Variants in C5orf22 observed in about 807,000 individuals in gnomAD.
C5orf22 encodes the protein chromosome 5 open reading frame 22, also known as UPF0489 protein C5orf22.
C5orf22 carries 36 observed loss-of-function variants against 48.7 expected under a neutral mutation model. The observed-to-expected ratio is 0.74, with a 90% CI of 0.57 to 0.98. The LOEUF (loss-of-function observed/expected upper bound fraction) is 0.98. Among genes scored for constraint, C5orf22 ranks in the 50% least tolerant of loss-of-function variants. The pLI, the probability that C5orf22 is intolerant of heterozygous loss-of-function variation, is 0.00. For synonymous variants in C5orf22, 141 were observed against 180.8 expected (o/e 0.78, Z 1.76); for missense variants, 486 against 521.9 (o/e 0.93, Z 0.67).
At chr5:31,551,529 C>T (rs1210930660) in intron 8 of C5orf22, 97 bp downstream of exon 8, 19 of 950,754 alleles carry the variant, frequency 2.0e-5, no homozygotes, top group South Asian at 1.2e-4. Context: ...AAAGGAAATT[C>T]GCAGTGTGAT....
intron 7 of C5orf22, among the ~76,000 whole-genome samples, chr5:31,546,177 C>T (rs1263520292): frequency 1.3e-5 from 2 of 152,154 alleles, no homozygotes; most frequent in Non-Finnish European, 2.9e-5. Context: ...AGCTGTTTGT[C>T]AACAGGTATC....
At chr5:31,532,548 C>A in intron 1 of C5orf22, 75 bp downstream of exon 1, 1 of 1,282,810 alleles carries the variant, frequency 7.8e-7, no homozygotes, top group Non-Finnish European at 1.1e-6. Context: ...GCAGAGGGCG[C>A]AACCTTAGCA....
chr5:31,545,250 G>C (rs543787289), intron 6 of C5orf22, among the ~76,000 whole-genome samples: 1 of 151,840 alleles, frequency 6.6e-6, no homozygotes, highest in Non-Finnish European at 1.5e-5. Flanking sequence ...TCGAGACAGG[G>C]TTTCACCACA....
intron 2 of C5orf22, among the ~76,000 whole-genome samples, chr5:31,535,353 A>T (rs1742009403): frequency 6.6e-6 from 1 of 152,216 alleles, no homozygotes; most frequent in Admixed American, 6.5e-5. Flanking sequence ...TAATATTTAA[A>T]AATGTATACT....
Position 31,538,590 on chromosome 5 carries a change from G to T in C5orf22, c.708G>T (p.Gly236=). 1 of 1,614,000 alleles carries T rather than the reference G, an allele frequency of 6.2e-7. No individual in the cohort carries two copies. The highest frequency in any genetic ancestry group is 8.5e-7 in the Non-Finnish European group (1 of 1,179,938). ...NQECQTAAST[G]EILEILKKGK... is the part of the protein sequence containing the mutation. ...AATGCCAGACTGCTGCCAGCACTGG[G>T]GAAATTCTGGAAATTTTGAAGAAAG... Residue 236 remains glycine (G), a synonymous_variant, in exon 4 of 9, where the codon GGG becomes GGT. Transcript: ENST00000325366.
Position 31,538,556 on chromosome 5 carries a change from A to C in C5orf22, c.674A>C (p.Glu225Ala), listed in dbSNP as rs1260630071. 1 of 1,614,156 alleles carries C rather than the reference A, an allele frequency of 6.2e-7. No individual in the cohort carries two copies. ...CLEPSCSCSS[E>A]NQECQTAAST... ...GAACCATCATGTTCATGTTCTTCTG[A>C]AAATCAGGAATGCCAGACTGCTGCC... The change falls in exon 4 of 9, where the codon GAA becomes GCA. Residue 225 changes from glutamate to alanine, a missense_variant. This residue lies in a region of C5orf22 where 408 missense variants were observed against 444.0 expected (regional missense o/e 0.92). Transcript: ENST00000325366.
At chr5:31,539,482 C>G (rs1420568985) in intron 4 of C5orf22, among the ~76,000 whole-genome samples, 1 of 152,108 alleles carries the variant, frequency 6.6e-6, no homozygotes, top group Non-Finnish European at 1.5e-5. Context: ...CAGATTATTC[C>G]TTAAACAGTG....
chr5:31,545,787 G>T, intron 7 of C5orf22, 75 bp downstream of exon 7: 2 of 939,464 alleles, frequency 2.1e-6, no homozygotes, highest in Non-Finnish European at 3.3e-6. Flanking sequence ...TTTCCTTTTT[G>T]TTAAAGTGGT....
At chr5:31,544,558 T>C (rs1396640934) in intron 6 of C5orf22, among the ~76,000 whole-genome samples, 3 of 151,186 alleles carry the variant, frequency 2.0e-5, no homozygotes, top group Non-Finnish European at 4.4e-5. Context: ...CACTCCAGCC[T>C]GGGCAACAGA....
chr5:31,538,442 C>A lies in C5orf22; in HGVS notation c.560C>A (p.Ser187Ter). 6.2e-7 allele frequency: 1 copy of A among 1,614,134 alleles called. No individual in the cohort carries two copies. The highest frequency in any genetic ancestry group is 2.2e-5 in the East Asian group (1 of 44,878). ...AKKPKLALED[S>*]ENTASTNCDS... is the part of the protein sequence containing the mutation. ...AAACCAAAGCTAGCCCTGGAAGATT[C>A]GGAAAACACTGCCTCTACTAACTGT... The change falls in exon 4 of 9, where the codon TCG becomes TAG. Residue 187 changes from serine to a stop codon, truncating the protein, a stop_gained. Coordinates refer to ENST00000325366, the MANE Select transcript of C5orf22 (RefSeq NM_018356.3). LOFTEE classifies it high-confidence loss of function.
At chr5:31,552,172 A>G (rs1743318607) in intron 8 of C5orf22, among the ~76,000 whole-genome samples, 1 of 152,166 alleles carries the variant, frequency 6.6e-6, no homozygotes, top group South Asian at 2.1e-4. Context: ...TAAGTTCTGG[A>G]AAGACTCCCA....
Position 31,538,613 on chromosome 5 carries a change from A to C in C5orf22, c.731A>C (p.Lys244Thr). Reference protein sequence around the residue: ...STGEILEILKKGKAFVLDIDL... With the variant: ...STGEILEILKTGKAFVLDIDL... ...GGGGAAATTCTGGAAATTTTGAAGA[A>C]AGGGAAGGCATTTGTTTTAGATATT... Residue 244 changes from lysine to threonine, a missense_variant, in exon 4 of 9, where the codon AAA becomes ACA. Coordinates refer to ENST00000325366, the MANE Select transcript of C5orf22 (RefSeq NM_018356.3). 6.2e-7 allele frequency: 1 copy of C among 1,614,158 alleles called. No individual in the cohort carries two copies. Among genetic ancestry groups the C allele is most frequent in the Non-Finnish European group, 8.5e-7 (1 of 1,180,004 alleles).
At chr5:31,544,533 G>A (rs1019327604) in intron 6 of C5orf22, among the ~76,000 whole-genome samples, 11 of 151,542 alleles carry the variant, frequency 7.3e-5, no homozygotes, top group Admixed American at 6.6e-4. Flanking sequence ...GCAGTGAGCC[G>A]AGATCGTGCC....
At chr5:31,543,107 A>G (rs925476190) in intron 6 of C5orf22, among the ~76,000 whole-genome samples, 1 of 152,222 alleles carries the variant, frequency 6.6e-6, no homozygotes, top group Non-Finnish European at 1.5e-5. Context: ...ATGTGCACGT[A>G]TTATCTATTC....
At chr5:31,535,267 T>C (rs531327873) in intron 2 of C5orf22, among the ~76,000 whole-genome samples, 47 of 152,350 alleles carry the variant, frequency 3.1e-4, no homozygotes, top group African/African-American at 1.1e-3. Context: ...TCACAAGTGC[T>C]TTTCCTTGAG....
chr5:31,537,279 G>A (rs1742155647), intron 3 of C5orf22, among the ~76,000 whole-genome samples: 1 of 152,202 alleles, frequency 6.6e-6, no homozygotes, highest in Non-Finnish European at 1.5e-5. Context: ...AAGTAAAAAT[G>A]TATGGAAGAG....
chr5:31,548,321 G>C (rs1172740664), intron 7 of C5orf22, among the ~76,000 whole-genome samples: 1 of 151,810 alleles, frequency 6.6e-6, no homozygotes, highest in Non-Finnish European at 1.5e-5. Flanking sequence ...AAAACTGGAT[G>C]CCTTTAACAG....
rs745760136 is a variant in C5orf22 at position 31,552,867 on chromosome 5, C to T, written c.1294C>T (p.Leu432Phe). ...ACGTGCCCTCTATGGAAATCTAGAC[C>T]TCCAAGTGTATGCAGCAGAGTCTCC... ...MLRALYGNLD[L>F]QVYAAESPPS Residue 432 changes from leucine to phenylalanine, a missense_variant, in exon 9 of 9, where the codon CTC (leucine) becomes TTC (phenylalanine). Physicochemically the swap from Leu to Phe is conservative, Grantham distance 22. Around this residue, in one of 3 missense-constraint regions of C5orf22, gnomAD observed 408 missense variants for 444.0 expected, o/e 0.92. Coordinates refer to ENST00000325366, the MANE Select transcript of C5orf22 (RefSeq NM_018356.3). 6.2e-7 allele frequency: 1 copy of T among 1,613,770 alleles called. No individual in the cohort carries two copies.
chr5:31,540,916 TC>T, intron 4 of C5orf22, 32 bp from the exon 5 acceptor site: 1 of 1,523,804 alleles, frequency 6.6e-7, no homozygotes. Flanking sequence ...CTTTTTTTTT[TC>T]TGGTATGTGG....
Sources: gnomAD v4.1 joint callset for allele counts (sites outside exome capture counted in the v4.1 genomes callset) on GRCh38, gnomAD v4.1.1 for gene constraint, gnomAD v4.1.1 regional missense constraint, MANE v1.5 for transcripts, NCBI Gene and HGNC (gene_info 2026-07-23, HGNC 2026-07-21) for gene names.